The following PPP1R9A variants were observed in gnomAD, a reference collection of about 807,000 sequenced individuals.
PPP1R9A encodes protein phosphatase 1 regulatory subunit 9A, also known as neurabin-1.
PPP1R9A carries 59 observed loss-of-function variants against 141.9 expected under a neutral mutation model. That is an observed-to-expected ratio of 0.42 (90% confidence interval 0.34 to 0.52). PPP1R9A has a LOEUF of 0.52. Among genes scored for constraint, PPP1R9A ranks in the 20% least tolerant of loss-of-function variants. PPP1R9A has a pLI of 0.10. For missense variants in PPP1R9A, 1,444 were observed against 1,611.9 expected (o/e 0.90, Z 1.78); for synonymous variants, 500 against 569.7 (o/e 0.88, Z 1.74).
intron 5 of PPP1R9A, among the ~76,000 whole-genome samples, chr7:95,168,939 A>T (rs1482838756): frequency 6.6e-6 from 1 of 152,052 alleles, no homozygotes; most frequent in East Asian, 1.9e-4. Context: ...ACTGCTGGGG[A>T]TATAAGTTAA....
intron 16 of PPP1R9A, among the ~76,000 whole-genome samples, chr7:95,275,988 CTT>C (rs753285282): frequency 2.0e-5 from 3 of 152,110 alleles, no homozygotes; most frequent in Non-Finnish European, 4.4e-5. Flanking sequence ...AGTAGTTTAA[CTT>C]TGTGTGGTTC....
At chr7:95,151,531 A>G (rs778456632) in intron 4 of PPP1R9A, among the ~76,000 whole-genome samples, 4 of 152,194 alleles carry the variant, frequency 2.6e-5, no homozygotes, top group African/African-American at 7.2e-5. Context: ...TCTGTATGAT[A>G]CTATAATGGT....
intron 6 of PPP1R9A, among the ~76,000 whole-genome samples, chr7:95,200,104 TGAAATAA>T (rs1789210090): frequency 6.6e-6 from 1 of 151,636 alleles, no homozygotes; most frequent in Non-Finnish European, 1.5e-5. Flanking sequence ...TCCATGAATA[TGAAATAA>T]GACATCAAGT....
intron 2 of PPP1R9A, among the ~76,000 whole-genome samples, chr7:95,091,666 T>A (rs2152341565): frequency 6.6e-6 from 1 of 151,872 alleles, no homozygotes. Context: ...AGATGAAAAA[T>A]TACTTATGTA....
intron 2 of PPP1R9A, among the ~76,000 whole-genome samples, chr7:94,938,372 A>G (rs1268665499): frequency 6.6e-6 from 1 of 152,140 alleles, no homozygotes; most frequent in Non-Finnish European, 1.5e-5. Flanking sequence ...AGAAGGTCAT[A>G]ACTGATAAGT....
chr7:95,089,720 C>CG (rs1389258657), intron 2 of PPP1R9A, among the ~76,000 whole-genome samples: 1 of 126,024 alleles, frequency 7.9e-6, no homozygotes, highest in Non-Finnish European at 1.9e-5. Context: ...TTTAGAAGCT[C>CG]GTTTTTTTTT....
intron 2 of PPP1R9A, among the ~76,000 whole-genome samples, chr7:94,967,310 T>G (rs1343726759): frequency 3.3e-5 from 5 of 152,122 alleles, no homozygotes; most frequent in Non-Finnish European, 7.4e-5. Context: ...CATGTCTCTG[T>G]CTCCTTCATT....
chr7:95,001,285 A>AAAACATAC (rs1176198298), intron 2 of PPP1R9A, among the ~76,000 whole-genome samples: 1 of 152,210 alleles, frequency 6.6e-6, no homozygotes, highest in Non-Finnish European at 1.5e-5. Context: ...TATTGAAAGT[A>AAAACATAC]AAACATACAA....
chr7:95,056,854 A>T (rs912504000), intron 2 of PPP1R9A, among the ~76,000 whole-genome samples: 3 of 152,154 alleles, frequency 2.0e-5, no homozygotes, highest in African/African-American at 7.2e-5. Flanking sequence ...AATCTAAATG[A>T]ATATTTATGT....
intron 2 of PPP1R9A, among the ~76,000 whole-genome samples, chr7:95,097,968 C>G (rs1283794450): frequency 6.6e-6 from 1 of 152,316 alleles, no homozygotes; most frequent in Non-Finnish European, 1.5e-5. Context: ...GGCTGGAAGC[C>G]TCAAGCATAA....
chr7:95,202,506 C>T (rs1010136335), intron 6 of PPP1R9A: 19 of 502,500 alleles, frequency 3.8e-5, no homozygotes, highest in Non-Finnish European at 4.9e-5. Context: ...TCTGTTTAAT[C>T]GAAGTATTGA....
chr7:94,957,768 G>T (rs1177850093), intron 2 of PPP1R9A, among the ~76,000 whole-genome samples: 2 of 152,158 alleles, frequency 1.3e-5, no homozygotes, highest in South Asian at 4.2e-4. Flanking sequence ...CCACTTTACT[G>T]TACGACCCCT....
chr7:95,101,144 G>A (rs535412350), intron 2 of PPP1R9A, among the ~76,000 whole-genome samples: 3 of 152,190 alleles, frequency 2.0e-5, no homozygotes, highest in East Asian at 3.9e-4. Flanking sequence ...GAGCCACCGC[G>A]CCCGGCCTCT....
At chr7:95,285,982 C>G (rs1434593140) in intron 17 of PPP1R9A, among the ~76,000 whole-genome samples, 2 of 152,182 alleles carry the variant, frequency 1.3e-5, no homozygotes, top group Non-Finnish European at 2.9e-5. Flanking sequence ...AGAATTGTCT[C>G]TCTAAAACAT....
At chr7:95,184,037 A>G (rs1834273439) in intron 5 of PPP1R9A, among the ~76,000 whole-genome samples, 1 of 152,126 alleles carries the variant, frequency 6.6e-6, no homozygotes. Context: ...AGAAAGGAAA[A>G]ATATGTAAGA....
Position 94,984,472 on chromosome 7 carries a change from TG to T in PPP1R9A, c.1395+72966del, listed in dbSNP as rs1800543904. Among the ~76,000 whole-genome samples, 3 of 152,152 alleles carry T rather than the reference TG, an allele frequency of 2.0e-5. No homozygotes were observed. The South Asian group carries it at 6.2e-4, about 32-fold the overall frequency. ...AATCCATCTGGTCTCGGAGTTTTTT[TG>T]GTTGGTAGGCTCTTAATTATTGCCT... On this transcript the variant is annotated intron_variant, in intron 2 of 19. Transcript: ENST00000433360.
intron 2 of PPP1R9A, chr7:95,036,993 C>T (rs1177950551): frequency 6.6e-6 from 1 of 152,144 alleles, no homozygotes; most frequent in Non-Finnish European, 1.5e-5. Flanking sequence ...AAAAGTAGTT[C>T]ACTTCTCCTC....
intron 2 of PPP1R9A, among the ~76,000 whole-genome samples, chr7:94,976,514 A>G (rs854724): frequency 0.48 from 73,361 of 151,530 alleles, 18,244 homozygotes; most frequent in Middle Eastern, 0.57. Context: ...CTAATTTTTT[A>G]TATTTTTAGT....
At chr7:94,948,704 A>G (rs1796144564) in intron 2 of PPP1R9A, among the ~76,000 whole-genome samples, 1 of 152,134 alleles carries the variant, frequency 6.6e-6, no homozygotes, top group Non-Finnish European at 1.5e-5. Flanking sequence ...CATCTTTTGC[A>G]TCTTGTAACT....
Sources: gnomAD v4.1 joint callset for allele counts (sites outside exome capture counted in the v4.1 genomes callset) on GRCh38, gnomAD v4.1.1 for gene constraint, MANE v1.5 for transcripts, NCBI Gene and HGNC (gene_info 2026-07-23, HGNC 2026-07-21) for gene names.